Variants in TTN observed in about 807,000 individuals in gnomAD.
TTN encodes the protein connectin.
Under a neutral mutation model 3,223.0 loss-of-function variants are expected in TTN, and 1,525 were observed. That is an observed-to-expected ratio of 0.47 (90% CI 0.45 to 0.49). The LOEUF is 0.49. Ranked by LOEUF, TTN falls within the 20% of genes least tolerant of loss-of-function variation. TTN has a pLI of 0.00. For missense variants in TTN, 40,786 were observed against 43,424.0 expected (o/e 0.94, Z 5.40); for synonymous variants, 14,094 against 15,161.0 (o/e 0.93, Z 5.17).
In TTN at chr2:178,608,190, G is replaced by T. The variant is rs370126872; in HGVS notation, c.52693C>A (p.His17565Asn). 5.0e-6 allele frequency: 8 copies of T among 1,602,392 alleles called. No individual in the cohort carries two copies. In the Admixed American group the frequency reaches 5.1e-5, roughly 10 times the overall value. The change falls in exon 275 of 363, where the codon CAT (histidine) becomes AAT (asparagine). Residue 17565 changes from histidine (H) to asparagine (N), a missense_variant. His to Asn is a moderately conservative substitution (Grantham distance 68). Coordinates refer to ENST00000589042, the MANE Select transcript of TTN (RefSeq NM_001267550.2). ...FSPPSDPKTAHDPISPPGPPI... is the reference protein window; with the variant it reads ...FSPPSDPKTANDPISPPGPPI... ...AGGAACTACTTACAGATTGGATCAT[G>T]TGCTGTTTTGGGATCTGAAGGTGGA...
Position 178,591,451 on chromosome 2 carries a change from C to T in TTN, c.60274G>A (p.Ala20092Thr). 6.3e-7 allele frequency: 1 copy of T among 1,597,324 alleles called. No homozygotes were observed. Residue 20092 changes from alanine (A) to threonine (T), a missense_variant, in exon 304 of 363, where the codon GCT (alanine) becomes ACT (threonine). Ala to Thr is a moderately conservative substitution (Grantham distance 58). Transcript: ENST00000589042. The part of the protein sequence containing the change: ...VKLIEGLVVK[A>T]GTTVRFPAII... ...GCAGGGAATCTGACTGTGGTTCCAGCCTTTACCACAAGACCTTCAATTAAT... is the reference window on the plus strand; with the variant it reads ...GCAGGGAATCTGACTGTGGTTCCAGTCTTTACCACAAGACCTTCAATTAAT...
Position 178,649,873 on chromosome 2 carries a change from ATCT to A in TTN, c.39836_39838del (p.Lys13279del), listed in dbSNP as rs765355244. The A allele has an allele frequency of 4.3e-5, 70 of 1,612,244 alleles. 2 individuals are homozygous for A. The South Asian group carries it at 6.8e-4, about 16-fold the overall frequency. On this transcript the variant is annotated inframe_deletion, in exon 211 of 363. Transcript: ENST00000589042. ...GACAGGAACTTTCTTCTCTGGGATG[ATCT>A]TCTTGGGCTCTTCAGGCACTTGAAT...
In TTN at chr2:178,543,065, A is replaced by G. The variant is rs373514079; in HGVS notation, c.96904+4T>C. ...TTTTTTTTTTTTGGCTATTTGGTAC[A>G]TACCTCTGAGGTCTTGTACAGTCAC... On this transcript the variant is annotated splice_donor_region_variant and intron_variant, in intron 347 of 362. Coordinates refer to ENST00000589042, the MANE Select transcript of TTN (RefSeq NM_001267550.2). 1.3e-4 allele frequency: 209 copies of G among 1,548,308 alleles called. No individual in the cohort carries two copies. The highest frequency in any genetic ancestry group is 5.8e-4 in the Admixed American group (29 of 49,622).
chr2:178,677,185 C>T lies in TTN; in HGVS notation c.34378+16G>A. 1.6e-6 allele frequency: 2 copies of T among 1,221,834 alleles called. No individual in the cohort carries two copies. The highest frequency in any genetic ancestry group is 2.0e-6 in the Non-Finnish European group (2 of 981,572). 75.7% of individuals were successfully genotyped at this position (1,221,834 alleles called of 1,614,324 possible). A position where few individuals can be genotyped will look rare whatever the true frequency, so the allele number is the denominator to read the frequency against. ...GCTATGGGTGAACAATGTGTATTCACTTTGGGGAGGTGTACCTTTGGGTGG... is the reference window on the plus strand; with the variant it reads ...GCTATGGGTGAACAATGTGTATTCATTTTGGGGAGGTGTACCTTTGGGTGG... On this transcript the variant is annotated intron_variant, in intron 147 of 362. Transcript: ENST00000589042.
Position 178,650,284 on chromosome 2 carries a change from T to A in TTN, c.39710-13A>T. 1 of 1,543,044 alleles carries A rather than the reference T, an allele frequency of 6.5e-7. No homozygotes were observed. Among genetic ancestry groups the A allele is most frequent in the East Asian group, 2.4e-5 (1 of 41,088 alleles). On this transcript the variant is annotated splice_polypyrimidine_tract_variant and intron_variant, in intron 209 of 362. Transcript: ENST00000589042. ...GGTTCTTCATATACTTTAAAGATAT[T>A]AGTTAATTTTATTTCAATGTATGGA...
intron 162 of TTN, 66 bp from the exon 163 acceptor site, chr2:178,666,967 G>C (rs1256076625): frequency 6.1e-6 from 7 of 1,153,012 alleles, no homozygotes; most frequent in Non-Finnish European, 8.4e-6. Context: ...GACATACTAA[G>C]AAAGTTAGAT....
rs547301978 is a variant in TTN, at chr2:178,768,152, C to T, written c.9167G>A (p.Arg3056His). Residue 3056 changes from arginine to histidine, a missense_variant, in exon 39 of 363, where the codon CGT becomes CAT. Arg to His is a conservative substitution (Grantham distance 29). Coordinates refer to ENST00000589042, the MANE Select transcript of TTN (RefSeq NM_001267550.2). ...AATGTGTTTCCTAAATTCTATATGA[C>T]GAGCTGGAAAATAGCATGTAGAAAA... ...TSTATLYVEA[R>H]HIEFRKHIKD... 5.6e-5 allele frequency: 91 copies of T among 1,613,924 alleles called. No homozygotes were observed. The highest frequency in any genetic ancestry group is 3.3e-4 in the Middle Eastern group (2 of 6,060).
In TTN at chr2:178,549,805, C is replaced by T; in HGVS notation, c.91917G>A (p.Leu30639=). ...FTNITGEKMT[L]WWDAPLNDGC... is the part of the protein sequence containing the mutation. Reference sequence around the variant, plus strand: ...CGTCATTGAGTGGGGCATCCCACCACAGAGTCATCTTCTCCCCAGTAATAT... The same window carrying T: ...CGTCATTGAGTGGGGCATCCCACCATAGAGTCATCTTCTCCCCAGTAATAT... The change falls in exon 338 of 363, where the codon CTG becomes CTA. Residue 30639 remains leucine, a synonymous_variant. Transcript: ENST00000589042. 3 of 1,608,256 alleles carry T rather than the reference C, an allele frequency of 1.9e-6. No individual in the cohort carries two copies. Among genetic ancestry groups the T allele is most frequent in the African/African-American group, 2.7e-5 (2 of 74,890 alleles).
intron 10 of TTN, 84 bp from the exon 11 acceptor site, chr2:178,790,929 AC>A: frequency 6.5e-7 from 1 of 1,528,578 alleles, no homozygotes; most frequent in Non-Finnish European, 9.0e-7. Context: ...TCAGGAAAAT[AC>A]AGGATGCTTA....
At chr2:178,688,302 G>A (rs2071411202) in intron 126 of TTN, 78 bp from the exon 127 acceptor site, 1 of 1,249,016 alleles carries the variant, frequency 8.0e-7, no homozygotes, top group South Asian at 1.2e-5. Flanking sequence ...CACTACAGAT[G>A]GATAACTGTT....
chr2:178,750,734 A>G (rs970903328), intron 47 of TTN: 3 of 1,612,710 alleles, frequency 1.9e-6, no homozygotes, highest in Non-Finnish European at 2.5e-6. Flanking sequence ...ACTTTCTTCA[A>G]CATTTACAAG....
In TTN at chr2:178,554,831, T is replaced by G. The variant is rs948606348; in HGVS notation, c.88594+34A>C. 4 of 1,612,856 alleles carry G rather than the reference T, an allele frequency of 2.5e-6. No individual in the cohort carries two copies. In the African/African-American group the frequency reaches 4.0e-5, roughly 16 times the overall value. ...TCAAAATTACTAAGCTTTAGGCAAA[T>G]GTAATATGACAGTGGTCTGTATTCA... is the stretch of plus-strand genomic sequence containing the variant. On this transcript the variant is annotated intron_variant, in intron 331 of 362. Transcript: ENST00000589042.
In TTN at chr2:178,775,058, T is replaced by C; in HGVS notation, c.6653A>G (p.Asp2218Gly). 2 of 1,614,060 alleles carry C rather than the reference T, an allele frequency of 1.2e-6. No homozygotes were observed. The highest frequency in any genetic ancestry group is 1.7e-6 in the Non-Finnish European group (2 of 1,179,982). ...YKDGMEVHEG[D>G]KYRMHSDRKV... ...TCTGTCAGAGTGCATCCTGTATTTA[T>C]CTCCCTCATGAACCTCCATACCATC... is the stretch of plus-strand genomic sequence containing the variant. The change falls in exon 29 of 363, where the codon GAT becomes GGT. Residue 2218 changes from aspartate to glycine, a missense_variant. Asp to Gly is a moderately conservative substitution (Grantham distance 94). Transcript: ENST00000589042.
chr2:178,651,694 G>T lies in TTN; in HGVS notation c.39435C>A (p.Ala13145=). 1 of 1,613,184 alleles carries T rather than the reference G, an allele frequency of 6.2e-7. No individual in the cohort carries two copies. Among genetic ancestry groups the T allele is most frequent in the Non-Finnish European group, 8.5e-7 (1 of 1,179,526 alleles). ...TCACTGGTGGTAGTTCAGGTTTTTT[G>T]GCAACGACAGCAGGTGCTTTCTTTT... ...VPEKKAPAVV[A]KKPELPPVKV... The change falls in exon 206 of 363, where the codon GCC becomes GCA. Residue 13145 remains alanine, a synonymous_variant. Transcript: ENST00000589042.
At position 178,543,084 on chromosome 2, in the gene TTN, C is replaced by T. The variant is rs1161985671; in HGVS notation, c.96889G>A (p.Val32297Ile). 3 of 1,587,600 alleles carry T rather than the reference C, an allele frequency of 1.9e-6. No homozygotes were observed. Among genetic ancestry groups the T allele is most frequent in the Non-Finnish European group, 2.6e-6 (3 of 1,163,994 alleles). ...TGGTACATACCTCTGAGGTCTTGTA[C>T]AGTCACGGCTGTGACAGTCTCTCTT... ...EPRETVTAVT[V>I]QDLRVLPTID... The change falls in exon 347 of 363, where the codon GTA becomes ATA. Residue 32297 changes from valine (V) to isoleucine (I), a missense_variant. Transcript: ENST00000589042.
rs779159076 is a variant in TTN at position 178,733,828 on chromosome 2, C to T, written c.15561G>A (p.Leu5187=). 91 of 1,613,528 alleles carry T rather than the reference C, an allele frequency of 5.6e-5. No homozygotes were observed. Among genetic ancestry groups the T allele is most frequent in the Non-Finnish European group, 7.0e-5 (83 of 1,179,666 alleles). Residue 5187 remains leucine (L), a synonymous_variant, in exon 53 of 363, where the codon CTG becomes CTA. Transcript: ENST00000589042. ...LIALGGQTVT[L]QAAVRGSEPI... ...GCTCTGACCCTCTCACAGCAGCTTG[C>T]AGGGTAACGGTTTGTCCTCCTAGTG...
intron 43 of TTN, among the ~76,000 whole-genome samples, chr2:178,760,068 C>G (rs1355814872): frequency 2.0e-5 from 3 of 152,132 alleles, no homozygotes; most frequent in African/African-American, 7.2e-5. Flanking sequence ...CAAAACCATC[C>G]AAGATGATCT....
At chr2:178,613,673 G>A (rs1448075763) in intron 263 of TTN, 78 bp downstream of exon 263, 2 of 1,425,994 alleles carry the variant, frequency 1.4e-6, no homozygotes, top group East Asian at 2.4e-5. Context: ...ATAATCATCT[G>A]TAATCCCAAG....
Position 178,612,531 on chromosome 2 carries a change from T to C in TTN, c.49994A>G (p.Lys16665Arg). The stretch of plus-strand genomic sequence containing the variant: ...TGTCCATTTTAGGTCTGCTGTATTT[T>C]TTGTGATATTAATAACTTCAAGCCA... Reference protein sequence around the residue: ...PRWLEVINITKNTADLKWTVP... With the variant: ...PRWLEVINITRNTADLKWTVP... Residue 16665 changes from lysine to arginine, a missense_variant, in exon 266 of 363, where the codon AAA (lysine) becomes AGA (arginine). Physicochemically the swap from Lys to Arg is conservative, Grantham distance 26. Transcript: ENST00000589042. 6.2e-7 allele frequency: 1 copy of C among 1,611,868 alleles called. No individual in the cohort carries two copies. The highest frequency in any genetic ancestry group is 1.3e-5 in the African/African-American group (1 of 74,936).
Sources: gnomAD v4.1 joint callset for allele counts (sites outside exome capture counted in the v4.1 genomes callset) on GRCh38, gnomAD v4.1.1 for gene constraint, MANE v1.5 for transcripts, NCBI Gene and HGNC (gene_info 2026-07-23, HGNC 2026-07-21) for gene names.